STYXL1: variants seen among roughly 807,000 people sequenced by gnomAD.
STYXL1 encodes the protein serine/threonine/tyrosine-interacting-like protein 1.
Under a neutral mutation model 36.4 loss-of-function variants are expected in STYXL1, and 32 were observed. The ratio of observed to expected loss-of-function variants is 0.88; its 90% CI spans 0.66 to 1.18. STYXL1 has a LOEUF of 1.18. Among genes scored for constraint, STYXL1 ranks in the 50% most tolerant of loss-of-function variants. The probability of loss-of-function intolerance (pLI) is 0.00; values close to 1 mark genes in which losing one functional copy is unlikely to be tolerated. For missense variants in STYXL1, 354 were observed against 394.1 expected (o/e 0.90, Z 0.86); for synonymous variants, 133 against 144.1 (o/e 0.92, Z 0.55).
intron 1 of STYXL1, chr7:76,046,042 G>T (rs1243601307): frequency 6.6e-6 from 1 of 152,168 alleles, no homozygotes; most frequent in African/African-American, 2.4e-5. Flanking sequence ...CAAAATAAAT[G>T]ATCTATTCAC....
chr7:76,034,732 A>G (rs1479430532), intron 1 of STYXL1, among the ~76,000 whole-genome samples: 1 of 152,134 alleles, frequency 6.6e-6, no homozygotes. Flanking sequence ...TGGATGCCGG[A>G]AGCAAACTGT....
chr7:76,013,616 A>G, intron 5 of STYXL1, 126 bp downstream of exon 5: 1 of 1,394,548 alleles, frequency 7.2e-7, no homozygotes, highest in South Asian at 1.2e-5. Flanking sequence ...GTATAGACAG[A>G]ATCTCCTCCA....
intron 5 of STYXL1, among the ~76,000 whole-genome samples, chr7:76,009,591 A>G (rs1387629721): frequency 1.3e-5 from 2 of 152,058 alleles, no homozygotes; most frequent in East Asian, 3.9e-4. Context: ...TTGTATTTTT[A>G]GTAGAGATGG....
intron 4 of STYXL1, among the ~76,000 whole-genome samples, chr7:76,020,462 T>C (rs1471612228): frequency 6.6e-6 from 1 of 152,168 alleles, no homozygotes; most frequent in African/African-American, 2.4e-5. Context: ...AGAGGTTCGA[T>C]GGAGCACATT....
At chr7:76,021,342 A>G (rs1314577617) in intron 4 of STYXL1, among the ~76,000 whole-genome samples, 1 of 152,004 alleles carries the variant, frequency 6.6e-6, no homozygotes, top group Admixed American at 6.6e-5. Context: ...CGGCCTCCCA[A>G]AGTGCTGGGA....
chr7:76,005,451 A>T, intron 5 of STYXL1, 47 bp from the exon 6 acceptor site: 1 of 1,534,014 alleles, frequency 6.5e-7, no homozygotes, highest in East Asian at 2.3e-5. Context: ...TTCCTCAGGG[A>T]AGAGGGATGT....
chr7:75,997,382 C>T (rs1790257440), intron 8 of STYXL1, among the ~76,000 whole-genome samples: 1 of 152,146 alleles, frequency 6.6e-6, no homozygotes, highest in Middle Eastern at 3.4e-3. Context: ...TGCAGTGAGC[C>T]GAGATTGCAC....
chr7:76,000,916 T>A lies in STYXL1; in HGVS notation c.784A>T (p.Met262Leu). The A allele has an allele frequency of 6.2e-7, 1 of 1,614,040 alleles. No homozygotes were observed. The highest frequency in any genetic ancestry group is 8.5e-7 in the Non-Finnish European group (1 of 1,179,948). ...RSCAAIIAYL[M>L]HSNEQTLQRS... Reference sequence around the variant, plus strand: ...TGCAAGGTCTGCTCGTTACTATGCATGAGGTAGGCTATGATGGCGGCACAA... The same window carrying A: ...TGCAAGGTCTGCTCGTTACTATGCAAGAGGTAGGCTATGATGGCGGCACAA... Residue 262 changes from methionine (M) to leucine (L), a missense_variant, in exon 8 of 9, where the codon ATG (methionine) becomes TTG (leucine). Coordinates refer to ENST00000359697, the MANE Select transcript of STYXL1 (RefSeq NM_001317785.2).
Position 75,996,578 on chromosome 7 carries a change from T to C in STYXL1, c.832A>G (p.Lys278Glu). ...TTTGGACACATGTTGTTTTTGCACT[T>C]CTTGACATAGGCCCAGGACCTCTAT... ...TLQRSWAYVKKCKNNMCPNRG... is the reference protein window; with the variant it reads ...TLQRSWAYVKECKNNMCPNRG... The change falls in exon 9 of 9, where the codon AAG (lysine) becomes GAG (glutamate). Residue 278 changes from lysine (K) to glutamate (E), a missense_variant. Lys to Glu is a moderately conservative substitution (Grantham distance 56). Coordinates refer to ENST00000359697, the MANE Select transcript of STYXL1 (RefSeq NM_001317785.2). The C allele has an allele frequency of 6.2e-7, 1 of 1,614,212 alleles. No individual in the cohort carries two copies. Among genetic ancestry groups the C allele is most frequent in the East Asian group, 2.2e-5 (1 of 44,888 alleles).
intron 5 of STYXL1, among the ~76,000 whole-genome samples, chr7:76,010,653 C>G (rs1406031593): frequency 6.6e-6 from 1 of 152,102 alleles, no homozygotes; most frequent in Non-Finnish European, 1.5e-5. Context: ...AGGCACTTTC[C>G]CACCACTAAC....
intron 4 of STYXL1, among the ~76,000 whole-genome samples, chr7:76,015,568 G>C (rs1365718730): frequency 6.6e-6 from 1 of 152,164 alleles, no homozygotes; most frequent in Non-Finnish European, 1.5e-5. Flanking sequence ...AAAACTACCA[G>C]AGTAAACAAA....
At chr7:76,027,914 G>A (rs1258546041) in intron 3 of STYXL1, among the ~76,000 whole-genome samples, 1 of 152,010 alleles carries the variant, frequency 6.6e-6, no homozygotes, top group Admixed American at 6.6e-5. Context: ...GAGCAGCCTG[G>A]GCAACACAGT....
At chr7:75,997,211 C>A (rs906912891) in intron 8 of STYXL1, among the ~76,000 whole-genome samples, 11 of 152,162 alleles carry the variant, frequency 7.2e-5, no homozygotes, top group Admixed American at 7.2e-4. Flanking sequence ...ACGGGTGGAT[C>A]ACCTGAGGTC....
At chr7:75,997,857 G>A (rs1585159418) in intron 8 of STYXL1, among the ~76,000 whole-genome samples, 1 of 152,218 alleles carries the variant, frequency 6.6e-6, no homozygotes, top group East Asian at 1.9e-4. Flanking sequence ...TCCATTTACA[G>A]TAGCATCAAA....
intron 3 of STYXL1, among the ~76,000 whole-genome samples, chr7:76,025,145 C>T (rs1273066396): frequency 5.8e-5 from 3 of 51,934 alleles, no homozygotes; most frequent in East Asian, 7.8e-4. Flanking sequence ...AGAACACGGG[C>T]GGGAGGGGGG....
chr7:76,040,692 C>G (rs1796395939), intron 1 of STYXL1, among the ~76,000 whole-genome samples: 1 of 151,842 alleles, frequency 6.6e-6, no homozygotes. Context: ...CAAAATTAGC[C>G]AGGCGTGGTG....
chr7:76,008,417 C>T (rs1792094312), intron 5 of STYXL1, among the ~76,000 whole-genome samples: 1 of 152,096 alleles, frequency 6.6e-6, no homozygotes, highest in Admixed American at 6.6e-5. Flanking sequence ...ATTTTAAGGA[C>T]CTCAGGCGTG....
At chr7:76,002,702 T>C (rs1554568079) in intron 7 of STYXL1, among the ~76,000 whole-genome samples, 1 of 152,074 alleles carries the variant, frequency 6.6e-6, no homozygotes, top group Non-Finnish European at 1.5e-5. Flanking sequence ...GGTGGGTGGA[T>C]TGCTTGAGCT....
At chr7:76,031,780 G>A (rs1305737622) in intron 1 of STYXL1, among the ~76,000 whole-genome samples, 16 of 151,666 alleles carry the variant, frequency 1.1e-4, no homozygotes. Context: ...AACGTTATCT[G>A]AGCCATATAC....
Sources: gnomAD v4.1 joint callset for allele counts (sites outside exome capture counted in the v4.1 genomes callset) on GRCh38, gnomAD v4.1.1 for gene constraint, MANE v1.5 for transcripts, NCBI Gene and HGNC (gene_info 2026-07-23, HGNC 2026-07-21) for gene names.